The following PKIB variants were observed in gnomAD, a reference collection of about 807,000 sequenced individuals.
PKIB encodes the protein cAMP-dependent protein kinase inhibitor beta.
A neutral mutation model predicts 4.5 loss-of-function variants in PKIB; 2 were observed. The observed-to-expected ratio is 0.44, with a 90% CI of 0.18 to 1.39. The LOEUF is 1.39. PKIB is among the 40% of genes most tolerant of loss of function. PKIB has a pLI of 0.27. For synonymous variants in PKIB, 38 were observed against 36.0 expected, an observed-to-expected ratio of 1.06 and a Z score of -0.20; for missense variants, 94 against 92.6, an observed-to-expected ratio of 1.02 and a Z score of -0.06.
chr6:122,616,854 C>T (rs940833408), intron 1 of PKIB, among the ~76,000 whole-genome samples: 11 of 152,018 alleles, frequency 7.2e-5, no homozygotes, highest in African/African-American at 2.4e-4. Context: ...TCACTAATTT[C>T]GTTTATTCTC....
chr6:122,617,933 G>C lies in PKIB; in HGVS notation c.-161+7398G>C, dbSNP rs1396576972. Among the ~76,000 whole-genome samples, 4 of 152,216 alleles carry C rather than the reference G, an allele frequency of 2.6e-5. No homozygotes were observed. In the East Asian group the frequency reaches 5.8e-4, roughly 22 times the overall value. ...TACATTAATGTAACAATGGTGTACA[G>C]TTTGTATCCTACATTTCTTCCTCTT... is the stretch of plus-strand genomic sequence containing the variant. On this transcript the variant is annotated intron_variant, in intron 1 of 4. Coordinates refer to ENST00000368452, the MANE Select transcript of PKIB (RefSeq NM_181795.3).
chr6:122,554,968 C>T (rs539012884), intron 2 of PKIB, among the ~76,000 whole-genome samples: 2 of 152,088 alleles, frequency 1.3e-5, no homozygotes, highest in South Asian at 2.1e-4. Context: ...AGGGAGATAC[C>T]GTGAAGGAGA....
At chr6:122,662,362 C>T (rs1375035839) in intron 2 of PKIB, among the ~76,000 whole-genome samples, 1 of 54,534 alleles carries the variant, frequency 1.8e-5, no homozygotes, top group Non-Finnish European at 3.9e-5. Context: ...GTTGTCCAGG[C>T]TGGAGTGCAA....
chr6:122,561,988 GTT>G (rs796363707), intron 2 of PKIB, among the ~76,000 whole-genome samples: 1 of 24,272 alleles, frequency 4.1e-5, no homozygotes, highest in African/African-American at 1.6e-4. Flanking sequence ...TTTTTTGTTT[GTT>G]TTTGTTTTTT....
At chr6:122,499,902 A>G (rs1173466496) in intron 2 of PKIB, among the ~76,000 whole-genome samples, 1 of 152,144 alleles carries the variant, frequency 6.6e-6, no homozygotes, top group African/African-American at 2.4e-5. Context: ...ATCAGTAGCA[A>G]TAACATTTAA....
rs527672933 is a variant in PKIB at position 122,527,231 on chromosome 6, T to C, written c.-248+49292T>C. On this transcript the variant is annotated intron_variant, in intron 2 of 6. Coordinates refer to the PKIB transcript ENST00000392491. Reference sequence around the variant, plus strand: ...GAACTATTCAGACCACTCAAACTGTTTTCCTTTCAGTAAGAAGGCTGTTTT... The same window carrying C: ...GAACTATTCAGACCACTCAAACTGTCTTCCTTTCAGTAAGAAGGCTGTTTT... Among the ~76,000 whole-genome samples, 13 of 152,214 alleles carry C rather than the reference T, an allele frequency of 8.5e-5. No individual in the cohort carries two copies. In the South Asian group the frequency reaches 2.5e-3, roughly 29 times the overall value.
At chr6:122,588,531 T>C (rs973059427) in intron 3 of PKIB, among the ~76,000 whole-genome samples, 1 of 152,164 alleles carries the variant, frequency 6.6e-6, no homozygotes, top group African/African-American at 2.4e-5. Context: ...CAAACTATAC[T>C]ACAAGGCTAC....
chr6:122,496,769 A>T lies in PKIB; in HGVS notation c.-248+18830A>T, dbSNP rs527734780. On this transcript the variant is annotated intron_variant, in intron 2 of 6. Coordinates refer to the PKIB transcript ENST00000392491. ...TATAAATTATTGGCATTCCTAAAAG[A>T]TAAGGATACAAAGTAAACCTGAAAA... Among the ~76,000 whole-genome samples, 508 of 152,322 alleles carry T rather than the reference A, an allele frequency of 3.3e-3. 2 individuals carry two copies. The highest frequency in any genetic ancestry group is 0.011 in the African/African-American group (474 of 41,574).
chr6:122,703,941 TAGAGAG>T (rs71021419), intron 3 of PKIB, among the ~76,000 whole-genome samples: 178 of 90,758 alleles, frequency 2.0e-3, no homozygotes, highest in Middle Eastern at 6.3e-3. Context: ...TATATATATA[TAGAGAG>T]AGAGAGAGAG....
intron 3 of PKIB, among the ~76,000 whole-genome samples, chr6:122,711,725 A>G (rs1384461445): frequency 2.0e-5 from 3 of 152,190 alleles, no homozygotes; most frequent in African/African-American, 7.2e-5. Flanking sequence ...TTATGTTAGT[A>G]TAAGAAGTAA....
rs181937822 is a variant in PKIB at position 122,516,744 on chromosome 6, C to T, written c.-248+38805C>T. Among the ~76,000 whole-genome samples, 274 of 152,210 alleles carry T rather than the reference C, an allele frequency of 1.8e-3. 2 individuals carry two copies. Among genetic ancestry groups the T allele is most frequent in the African/African-American group, 6.3e-3 (261 of 41,530 alleles). On this transcript the variant is annotated intron_variant, in intron 2 of 6. Coordinates refer to the PKIB transcript ENST00000392491. Reference sequence around the variant, plus strand: ...TATTAGAAAGCAGAAGAGGTCCCACCACATAAGGCAATACTAAAACAAGTA... The same window carrying T: ...TATTAGAAAGCAGAAGAGGTCCCACTACATAAGGCAATACTAAAACAAGTA...
chr6:122,520,237 C>G (rs1776892342), intron 2 of PKIB, among the ~76,000 whole-genome samples: 2 of 151,954 alleles, frequency 1.3e-5, no homozygotes, highest in Admixed American at 1.3e-4. Flanking sequence ...ATTATAAGCT[C>G]CTAGAAGAAA....
chr6:122,725,356 T>G lies in PKIB; in HGVS notation c.*161T>G. ...GTGTTGTGATGCTACTCACTTTGAT[T>G]GCAATGATGATGTCCAAGGTAAGCT... On this transcript the variant is annotated 3_prime_UTR_variant, in exon 5 of 5. Transcript: ENST00000368452. 1.6e-6 allele frequency: 1 copy of G among 609,950 alleles called. No individual in the cohort carries two copies. Among genetic ancestry groups the G allele is most frequent in the Non-Finnish European group, 2.9e-6 (1 of 343,994 alleles). 37.8% of individuals were successfully genotyped at this position (609,950 alleles called of 1,614,324 possible).
chr6:122,719,033 G>A (rs2115079973), intron 4 of PKIB, among the ~76,000 whole-genome samples: 1 of 152,242 alleles, frequency 6.6e-6, no homozygotes, highest in African/African-American at 2.4e-5. Context: ...AAACATATAT[G>A]TAATGTTTTT....
At chr6:122,717,533 AAGC>A in intron 3 of PKIB, 1 of 459,782 alleles carries the variant, frequency 2.2e-6, no homozygotes. Context: ...CTGCACCCTT[AAGC>A]ATCCAAGTGG....
chr6:122,514,050 C>T (rs1776668321), intron 2 of PKIB, among the ~76,000 whole-genome samples: 1 of 152,142 alleles, frequency 6.6e-6, no homozygotes, highest in Non-Finnish European at 1.5e-5. Flanking sequence ...CTGATAATCA[C>T]AGACAGGAAC....
Position 122,672,261 on chromosome 6 carries a change from C to G in PKIB, c.-75-2817C>G, listed in dbSNP as rs563308403. The stretch of plus-strand genomic sequence containing the variant: ...GCATCAGACCTTGAAGCCCGAGGTA[C>G]CCAGAGCAGTTCTGCTTGCATCCAT... On this transcript the variant is annotated intron_variant, in intron 2 of 4. Coordinates refer to ENST00000368452, the MANE Select transcript of PKIB (RefSeq NM_181795.3). Among the ~76,000 whole-genome samples, 6 of 152,230 alleles carry G rather than the reference C, an allele frequency of 3.9e-5. No individual in the cohort carries two copies. In the East Asian group the frequency reaches 1.2e-3, roughly 29 times the overall value.
Position 122,501,597 on chromosome 6 carries a change from C to G in PKIB, c.-248+23658C>G, listed in dbSNP as rs938924237. ...TTAGCGATGGCTGGAGCTGGAATGC[C>G]TGGGATGCAGGGTGCCATGTCCTGA... On this transcript the variant is annotated intron_variant, in intron 2 of 6. Transcript: ENST00000392491. Among the ~76,000 whole-genome samples, 44 of 152,196 alleles carry G rather than the reference C, an allele frequency of 2.9e-4. 1 individual carries two copies. Among genetic ancestry groups the G allele is most frequent in the Non-Finnish European group, 5.7e-4 (39 of 68,030 alleles).
intron 2 of PKIB, among the ~76,000 whole-genome samples, chr6:122,542,468 G>A (rs967233746): frequency 6.6e-6 from 1 of 152,040 alleles, no homozygotes; most frequent in Non-Finnish European, 1.5e-5. Context: ...TGTTTGCCTG[G>A]GTATCAGCAG....
Sources: allele counts gnomAD v4.1 joint callset (sites outside exome capture counted in the v4.1 genomes callset), GRCh38; gene constraint gnomAD v4.1.1; transcripts MANE v1.5; gene names NCBI Gene and HGNC (gene_info 2026-07-23, HGNC 2026-07-21).